The following GRHL2 variants were observed in gnomAD, a reference collection of about 807,000 sequenced individuals.
GRHL2 encodes the protein grainyhead-like protein 2 homolog.
In GRHL2, 21 loss-of-function variants were observed where a neutral mutation model predicts 83.8. The ratio of observed to expected loss-of-function variants is 0.25; its 90% confidence interval spans 0.18 to 0.36. The LOEUF is 0.36. GRHL2 is among the 10% of genes least tolerant of loss of function. GRHL2 has a pLI of 1.00. For synonymous variants in GRHL2, 280 were observed against 278.9 expected (o/e 1.00, Z -0.04); for missense variants, 623 against 781.8 (o/e 0.80, Z 2.42).
chr8:101,653,235 TATC>T (rs1218395145), intron 14 of GRHL2, among the ~76,000 whole-genome samples: 1 of 151,838 alleles, frequency 6.6e-6, no homozygotes, highest in Non-Finnish European at 1.5e-5. Context: ...TTCAAAATAA[TATC>T]ATTGTGGGGG....
chr8:101,493,083 T>C (rs564983773), intron 1 of GRHL2, among the ~76,000 whole-genome samples: 59 of 152,158 alleles, frequency 3.9e-4, no homozygotes, highest in Non-Finnish European at 1.5e-4. Flanking sequence ...GATGAATACT[T>C]GGATATTGCC....
intron 7 of GRHL2, among the ~76,000 whole-genome samples, chr8:101,585,934 G>A (rs1302089667): frequency 6.6e-6 from 1 of 152,046 alleles, no homozygotes; most frequent in Admixed American, 6.5e-5. Flanking sequence ...TGTGATGGGG[G>A]TGGTCCTCGG....
At chr8:101,505,688 T>A (rs2129986271) in intron 1 of GRHL2, among the ~76,000 whole-genome samples, 1 of 152,194 alleles carries the variant, frequency 6.6e-6, no homozygotes, top group African/African-American at 2.4e-5. Flanking sequence ...TTATCTTTAG[T>A]TTTAGCAAAC....
At chr8:101,529,106 G>C (rs1464735156) in intron 1 of GRHL2, 1 of 375,904 alleles carries the variant, frequency 2.7e-6, no homozygotes, top group East Asian at 8.6e-5. Flanking sequence ...ATGGGGCTTT[G>C]TTTCTTCTTC....
chr8:101,518,515 A>G (rs1044953032), intron 1 of GRHL2, among the ~76,000 whole-genome samples: 2 of 152,144 alleles, frequency 1.3e-5, no homozygotes, highest in African/African-American at 4.8e-5. Flanking sequence ...ACTTGTAGGA[A>G]CTCCACTTGA....
At chr8:101,633,002 A>C (rs1214773053) in intron 11 of GRHL2, among the ~76,000 whole-genome samples, 1 of 152,188 alleles carries the variant, frequency 6.6e-6, no homozygotes, top group Non-Finnish European at 1.5e-5. Context: ...TAAAATTTTA[A>C]TTATGGAAAC....
intron 14 of GRHL2, among the ~76,000 whole-genome samples, chr8:101,653,736 T>C (rs1813722011): frequency 8.4e-6 from 1 of 119,058 alleles, no homozygotes; most frequent in Non-Finnish European, 1.6e-5. Context: ...TGACTCTGTC[T>C]CAAAAAAAAA....
intron 7 of GRHL2, among the ~76,000 whole-genome samples, chr8:101,597,351 A>T (rs1711637141): frequency 6.6e-6 from 1 of 152,186 alleles, no homozygotes; most frequent in Non-Finnish European, 1.5e-5. Context: ...ATAGGCATGC[A>T]ACTATGCTGC....
At chr8:101,550,896 G>A (rs1338555771) in intron 2 of GRHL2, among the ~76,000 whole-genome samples, 1 of 152,120 alleles carries the variant, frequency 6.6e-6, no homozygotes, top group Admixed American at 6.5e-5. Context: ...TTTTAGCATA[G>A]TGTCTTCAGG....
At chr8:101,614,484 C>T (rs927944397) in intron 8 of GRHL2, among the ~76,000 whole-genome samples, 3 of 143,958 alleles carry the variant, frequency 2.1e-5, no homozygotes, top group Non-Finnish European at 3.0e-5. Flanking sequence ...ACTTTCTTAA[C>T]GCTTGGGAGA....
intron 12 of GRHL2, among the ~76,000 whole-genome samples, chr8:101,641,410 G>A (rs372662583): frequency 7.2e-5 from 11 of 152,182 alleles, no homozygotes; most frequent in South Asian, 4.1e-4. Context: ...CTACATCTCC[G>A]TGGTGCCTGC....
At chr8:101,671,634 C>G (rs997928793), downstream of GRHL2, among the ~76,000 whole-genome samples, 34 of 152,208 alleles carry the variant, frequency 2.2e-4, no homozygotes, top group Non-Finnish European at 4.3e-4. Context: ...AACAAAAAGA[C>G]AGCAGTAACC....
intron 13 of GRHL2, among the ~76,000 whole-genome samples, chr8:101,645,423 C>T (rs1563623170): frequency 6.6e-6 from 1 of 152,090 alleles, no homozygotes; most frequent in Admixed American, 6.5e-5. Flanking sequence ...TGAGTCAGTT[C>T]ACCATGTTAA....
At chr8:101,633,583 A>G (rs750140865) in intron 11 of GRHL2, among the ~76,000 whole-genome samples, 1 of 152,208 alleles carries the variant, frequency 6.6e-6, no homozygotes, top group Non-Finnish European at 1.5e-5. Context: ...ACATGGTAAT[A>G]AAATGCCTAT....
At chr8:101,604,019 C>CAAAAA (rs541635465) in intron 8 of GRHL2, among the ~76,000 whole-genome samples, 1,824 of 91,628 alleles carry the variant, frequency 0.02, 80 homozygotes, top group African/African-American at 0.045. Context: ...TTTTTTTTTG[C>CAAAAA]AAAAAAAAAA....
At chr8:101,534,381 T>C (rs1480863535) in intron 1 of GRHL2, among the ~76,000 whole-genome samples, 1 of 152,092 alleles carries the variant, frequency 6.6e-6, no homozygotes, top group Non-Finnish European at 1.5e-5. Flanking sequence ...TTCAGTTCCT[T>C]GCCAAAATAT....
intron 14 of GRHL2, among the ~76,000 whole-genome samples, chr8:101,661,302 C>T (rs1813916275): frequency 6.6e-6 from 1 of 152,108 alleles, no homozygotes; most frequent in African/African-American, 2.4e-5. Flanking sequence ...TTTTCCTTCC[C>T]CTTTTCTCTA....
intron 6 of GRHL2, among the ~76,000 whole-genome samples, chr8:101,576,758 A>G (rs1282551271): frequency 6.6e-6 from 1 of 152,164 alleles, no homozygotes; most frequent in African/African-American, 2.4e-5. Flanking sequence ...AGAGTTTTGA[A>G]TTCTTATTTC....
intron 1 of GRHL2, among the ~76,000 whole-genome samples, chr8:101,537,763 A>G (rs1811072005): frequency 6.6e-6 from 1 of 152,194 alleles, no homozygotes; most frequent in African/African-American, 2.4e-5. Flanking sequence ...ACCCAACTCC[A>G]AAAGCATCCT....
Sources: allele counts gnomAD v4.1 joint callset (sites outside exome capture counted in the v4.1 genomes callset), GRCh38; gene constraint gnomAD v4.1.1; transcripts MANE v1.5; gene names NCBI Gene and HGNC (gene_info 2026-07-23, HGNC 2026-07-21).